CRPPA: variants seen among roughly 807,000 people sequenced by gnomAD.
CRPPA encodes the protein D-ribitol-5-phosphate cytidylyltransferase.
A neutral mutation model predicts 52.0 loss-of-function variants in CRPPA; 43 were observed. The ratio of observed to expected loss-of-function variants is 0.83; its 90% CI spans 0.65 to 1.07. CRPPA has a LOEUF of 1.07. CRPPA is among the 50% of genes least tolerant of loss of function. The pLI, the probability that CRPPA is intolerant of heterozygous loss-of-function variation, is 0.00. For synonymous variants in CRPPA, 250 were observed against 203.5 expected, an observed-to-expected ratio of 1.23 and a Z score of -1.94; for missense variants, 629 against 551.7, an observed-to-expected ratio of 1.14 and a Z score of -1.40.
At chr7:16,328,990 G>A (rs1785484644) in intron 3 of CRPPA, among the ~76,000 whole-genome samples, 1 of 152,020 alleles carries the variant, frequency 6.6e-6, no homozygotes. Flanking sequence ...ATAACACCTG[G>A]ACTTAAATCA....
intron 3 of CRPPA, among the ~76,000 whole-genome samples, chr7:16,350,020 G>T (rs1202372540): frequency 6.6e-6 from 1 of 151,920 alleles, no homozygotes; most frequent in Non-Finnish European, 1.5e-5. Context: ...CAAGTTGTTA[G>T]AGACATGTGA....
In CRPPA at chr7:16,109,345, C is replaced by T. The variant is rs139769282; in HGVS notation, c.1252-17546G>A. ...AAATTCCTAGATACCTACAAACTACCGAAATTGAACCATGAAGAAACGGAA... is the reference window on the plus strand; with the variant it reads ...AAATTCCTAGATACCTACAAACTACTGAAATTGAACCATGAAGAAACGGAA... On this transcript the variant is annotated intron_variant, in intron 9 of 9. Transcript: ENST00000407010. Among the ~76,000 whole-genome samples, 21 of 151,636 alleles carry T rather than the reference C, an allele frequency of 1.4e-4. No homozygotes were observed. The East Asian group carries it at 3.5e-3, about 25-fold the overall frequency.
At position 16,342,774 on chromosome 7, in the gene CRPPA, A is replaced by AT. The variant is rs1342441804; in HGVS notation, c.684+33317_684+33318insA. Among the ~76,000 whole-genome samples the AT allele has an allele frequency of 6.7e-4, 35 of 51,858 alleles. 4 individuals are homozygous for AT. The highest frequency in any genetic ancestry group is 3.7e-3 in the East Asian group (8 of 2,166). The allele number at this position is 51,858 out of a possible 152,430, so 34.0% of individuals were successfully genotyped here. A position where few individuals can be genotyped will look rare whatever the true frequency, so the allele number is the denominator to read the frequency against. Reference sequence around the variant, plus strand: ...GAACCCTGTCTCCACAAAAAAAAAAAAAAAAAAAATATATATATATATATC... The same window carrying AT: ...GAACCCTGTCTCCACAAAAAAAAAAATAAAAAAAAATATATATATATATATC... On this transcript the variant is annotated intron_variant, in intron 3 of 9. Coordinates refer to ENST00000407010, the MANE Select transcript of CRPPA (RefSeq NM_001101426.4).
At chr7:16,173,321 G>C (rs928280342) in intron 9 of CRPPA, among the ~76,000 whole-genome samples, 1 of 152,092 alleles carries the variant, frequency 6.6e-6, no homozygotes, top group African/African-American at 2.4e-5. Context: ...TTATGTTTGA[G>C]ACCTAAACCT....
intron 9 of CRPPA, among the ~76,000 whole-genome samples, chr7:16,196,229 T>A (rs1781730673): frequency 6.6e-6 from 1 of 152,194 alleles, no homozygotes; most frequent in Non-Finnish European, 1.5e-5. Context: ...TTCAGTCACT[T>A]ATTAGCTTAT....
chr7:16,284,987 A>C lies in CRPPA; in HGVS notation c.836-6761T>G, dbSNP rs375220812. On this transcript the variant is annotated intron_variant, in intron 5 of 9. Coordinates refer to ENST00000407010, the MANE Select transcript of CRPPA (RefSeq NM_001101426.4). The stretch of plus-strand genomic sequence containing the variant: ...GATCCCCAAACTAAATGAGAGGAGA[A>C]AAGGCACACAAAATATTTAAAATTA... Among the ~76,000 whole-genome samples the C allele has an allele frequency of 5.9e-5, 9 of 152,316 alleles. No homozygotes were observed. The East Asian group carries it at 1.7e-3, about 29-fold the overall frequency.
chr7:16,316,800 T>C (rs1310536961), intron 3 of CRPPA, among the ~76,000 whole-genome samples: 3 of 152,080 alleles, frequency 2.0e-5, no homozygotes, highest in Admixed American at 1.3e-4. Flanking sequence ...GAGGCTGCAG[T>C]GAACCACAAT....
chr7:16,198,718 C>T (rs554336821), intron 9 of CRPPA, among the ~76,000 whole-genome samples: 2 of 141,658 alleles, frequency 1.4e-5, no homozygotes, highest in Admixed American at 7.0e-5. Context: ...CCCATACTTG[C>T]GCAGCATTTT....
chr7:16,384,651 C>G (rs1562669417), intron 2 of CRPPA, among the ~76,000 whole-genome samples: 1 of 152,180 alleles, frequency 6.6e-6, no homozygotes, highest in Non-Finnish European at 1.5e-5. Context: ...TCTAGGATGA[C>G]TATATAATAC....
chr7:16,172,119 C>T (rs1300415600), intron 9 of CRPPA, among the ~76,000 whole-genome samples: 1 of 152,202 alleles, frequency 6.6e-6, no homozygotes, highest in Non-Finnish European at 1.5e-5. Context: ...CCTACACATT[C>T]TTTACTTGGT....
chr7:16,258,949 C>A lies in CRPPA; in HGVS notation c.997G>T (p.Asp333Tyr). The change falls in exon 7 of 10, where the codon GAT (aspartate) becomes TAT (tyrosine). Residue 333 changes from aspartate (D) to tyrosine (Y), a missense_variant. Coordinates refer to ENST00000407010, the MANE Select transcript of CRPPA (RefSeq NM_001101426.4). Reference protein sequence around the residue: ...AGRHLQQIILDQCYNFVCVNV... With the variant: ...AGRHLQQIILYQCYNFVCVNV... The stretch of plus-strand genomic sequence containing the variant: ...ACACAAACAAAATTGTAGCATTGAT[C>A]TAAGATGATTTGCTGAAGATGTCTG... The A allele has an allele frequency of 3.1e-6, 5 of 1,611,012 alleles. No individual in the cohort carries two copies. The highest frequency in any genetic ancestry group is 4.2e-6 in the Non-Finnish European group (5 of 1,178,246).
chr7:16,289,750 T>C (rs1003873371), intron 5 of CRPPA, among the ~76,000 whole-genome samples: 5 of 152,126 alleles, frequency 3.3e-5, no homozygotes, highest in African/African-American at 1.2e-4. Flanking sequence ...GCTGAAAGCC[T>C]TTCCTCTAAG....
chr7:16,421,393 CG>C lies in CRPPA; in HGVS notation c.-72del, dbSNP rs1376322936. 13 of 1,205,380 alleles carry C rather than the reference CG, an allele frequency of 1.1e-5. No homozygotes were observed. Among genetic ancestry groups the C allele is most frequent in the Middle Eastern group, 3.2e-4 (1 of 3,094 alleles). The allele number at this position is 1,205,380 out of a possible 1,614,324, so 74.7% of individuals were successfully genotyped here. A position where few individuals can be genotyped will look rare whatever the true frequency, so the allele number is the denominator to read the frequency against. On this transcript the variant is annotated 5_prime_UTR_variant, in exon 1 of 10. Transcript: ENST00000407010. ...ACCCCGCGCTGCTCCCACCCTCGGC[CG>C]GGGTCGCGGGGCGAAGGGCAGACCA...
intron 9 of CRPPA, among the ~76,000 whole-genome samples, chr7:16,110,220 C>A (rs1782233054): frequency 6.6e-6 from 1 of 151,888 alleles, no homozygotes; most frequent in Non-Finnish European, 1.5e-5. Context: ...ATTTAATCAA[C>A]AAGGTAAAGA....
At chr7:16,112,349 C>T (rs559378235) in intron 9 of CRPPA, among the ~76,000 whole-genome samples, 1 of 151,808 alleles carries the variant, frequency 6.6e-6, no homozygotes, top group South Asian at 2.1e-4. Context: ...TTTACTTAAA[C>T]CTTTTTTTAA....
chr7:16,142,157 C>T (rs748611271), intron 9 of CRPPA, among the ~76,000 whole-genome samples: 54 of 152,288 alleles, frequency 3.5e-4, no homozygotes, highest in African/African-American at 1.0e-3. Context: ...GCCACAGATA[C>T]GGACTGGCTT....
chr7:16,242,128 G>C (rs1295304220), intron 8 of CRPPA, among the ~76,000 whole-genome samples: 1 of 151,332 alleles, frequency 6.6e-6, no homozygotes, highest in Non-Finnish European at 1.5e-5. Flanking sequence ...CTAATTTTTT[G>C]TATTTTTAGT....
chr7:16,360,367 G>C (rs866256693), intron 3 of CRPPA, among the ~76,000 whole-genome samples: 1 of 152,158 alleles, frequency 6.6e-6, no homozygotes, highest in Non-Finnish European at 1.5e-5. Context: ...AATATGATCA[G>C]AGTCAATTAC....
At chr7:16,248,519 T>C (rs1783342951) in intron 8 of CRPPA, among the ~76,000 whole-genome samples, 1 of 152,200 alleles carries the variant, frequency 6.6e-6, no homozygotes, top group African/African-American at 2.4e-5. Flanking sequence ...TTCTGTGATA[T>C]ATCTGATAGG....
Sources: gnomAD v4.1 joint callset for allele counts (sites outside exome capture counted in the v4.1 genomes callset) on GRCh38, gnomAD v4.1.1 for gene constraint, MANE v1.5 for transcripts, NCBI Gene and HGNC (gene_info 2026-07-23, HGNC 2026-07-21) for gene names.